Variants in NCAM2 observed in about 807,000 individuals in gnomAD.
NCAM2 encodes N-CAM-2.
Under a neutral mutation model 98.1 loss-of-function variants are expected in NCAM2, and 30 were observed. The observed-to-expected ratio is 0.31, with a 90% CI of 0.23 to 0.41. The LOEUF is 0.41. Ranked by LOEUF, NCAM2 falls within the 10% of genes least tolerant of loss-of-function variation. The pLI, the probability that NCAM2 is intolerant of heterozygous loss-of-function variation, is 1.00. For missense variants in NCAM2, 867 were observed against 1,005.8 expected, an observed-to-expected ratio of 0.86 and a Z score of 1.87; for synonymous variants, 368 against 342.4, an observed-to-expected ratio of 1.07 and a Z score of -0.83.
intron 9 of NCAM2, among the ~76,000 whole-genome samples, chr21:21,375,464 A>T (rs1406577972): frequency 6.6e-6 from 1 of 151,746 alleles, no homozygotes; most frequent in African/African-American, 2.4e-5. Context: ...TTTCCATCAC[A>T]CTTTCTAAAA....
intron 12 of NCAM2, among the ~76,000 whole-genome samples, chr21:21,433,815 A>G (rs1195282344): frequency 6.7e-6 from 1 of 148,788 alleles, no homozygotes; most frequent in Non-Finnish European, 1.5e-5. Context: ...AGAGAGAAAA[A>G]GGAGGGTGGT....
chr21:21,509,094 G>C, intron 16 of NCAM2, 39 bp downstream of exon 16: 1 of 1,605,114 alleles, frequency 6.2e-7, no homozygotes, highest in Non-Finnish European at 8.5e-7. Flanking sequence ...TATTAAACAA[G>C]CGCCACAGTC....
chr21:21,280,377 T>C (rs892895650), intron 1 of NCAM2, among the ~76,000 whole-genome samples: 4 of 152,176 alleles, frequency 2.6e-5, no homozygotes, highest in African/African-American at 9.7e-5. Flanking sequence ...GTGCTGTATT[T>C]AGTCTGATGG....
At chr21:21,479,059 C>CT (rs561857794) in intron 15 of NCAM2, among the ~76,000 whole-genome samples, 13 of 152,060 alleles carry the variant, frequency 8.5e-5, no homozygotes, top group Non-Finnish European at 1.8e-4. Context: ...CCAGAGCCTC[C>CT]TCCAAAGGAA....
At chr21:21,280,513 A>G in intron 1 of NCAM2, 65 bp from the exon 2 acceptor site, 1 of 1,098,026 alleles carries the variant, frequency 9.1e-7, no homozygotes, top group Non-Finnish European at 1.3e-6. Context: ...TTTAGACATC[A>G]TGCATTAAAA....
At chr21:21,413,380 T>C (rs957871927) in intron 10 of NCAM2, among the ~76,000 whole-genome samples, 2 of 152,186 alleles carry the variant, frequency 1.3e-5, no homozygotes, top group Non-Finnish European at 2.9e-5. Flanking sequence ...CTAGCAAGCT[T>C]CTTGATTAAT....
chr21:21,029,583 T>A (rs1273419634), intron 1 of NCAM2, among the ~76,000 whole-genome samples: 1 of 152,198 alleles, frequency 6.6e-6, no homozygotes, highest in Non-Finnish European at 1.5e-5. Flanking sequence ...GTTATCTTCA[T>A]AAACTTAACC....
intron 1 of NCAM2, among the ~76,000 whole-genome samples, chr21:21,073,596 A>G (rs910678115): frequency 2.6e-5 from 4 of 152,200 alleles, no homozygotes; most frequent in Admixed American, 6.5e-5. Flanking sequence ...GCATTTCTCT[A>G]AGACCCTGCA....
intron 8 of NCAM2, among the ~76,000 whole-genome samples, chr21:21,358,606 A>G (rs1222934326): frequency 1.3e-5 from 2 of 152,094 alleles, no homozygotes; most frequent in South Asian, 2.1e-4. Context: ...AAATTAGTTC[A>G]TATGACTCAT....
intron 1 of NCAM2, among the ~76,000 whole-genome samples, chr21:21,115,278 C>A (rs1303062275): frequency 6.6e-6 from 1 of 152,166 alleles, no homozygotes; most frequent in African/African-American, 2.4e-5. Context: ...TCCAGCCTCT[C>A]CTTGTGGCAT....
chr21:21,002,496 G>C (rs2064037596), intron 1 of NCAM2, among the ~76,000 whole-genome samples: 1 of 152,150 alleles, frequency 6.6e-6, no homozygotes, highest in African/African-American at 2.4e-5. Context: ...TAACCAAGCT[G>C]AACAGTGTAA....
At chr21:21,279,886 C>G (rs2072867389) in intron 1 of NCAM2, among the ~76,000 whole-genome samples, 1 of 152,208 alleles carries the variant, frequency 6.6e-6, no homozygotes, top group Non-Finnish European at 1.5e-5. Context: ...TGGTCATGCT[C>G]TCTTTTCTAC....
chr21:21,489,813 TAACTA>T (rs954432797), intron 15 of NCAM2, among the ~76,000 whole-genome samples: 2 of 152,066 alleles, frequency 1.3e-5, no homozygotes, highest in Non-Finnish European at 2.9e-5. Flanking sequence ...TTTTGGGACT[TAACTA>T]AAGAAAAAAA....
intron 1 of NCAM2, among the ~76,000 whole-genome samples, chr21:21,170,828 T>A (rs955021927): frequency 6.9e-5 from 9 of 130,042 alleles, no homozygotes; most frequent in Admixed American, 3.8e-4. Context: ...CATAGGGTGT[T>A]CCTAGAGGGG....
chr21:21,282,642 A>G (rs1234673809), intron 2 of NCAM2, among the ~76,000 whole-genome samples: 1 of 151,792 alleles, frequency 6.6e-6, no homozygotes, highest in Non-Finnish European at 1.5e-5. Flanking sequence ...CTAAAACTCA[A>G]TAAAATAAAT....
chr21:21,434,051 T>G (rs578189787), intron 12 of NCAM2, among the ~76,000 whole-genome samples: 5 of 152,334 alleles, frequency 3.3e-5, no homozygotes, highest in Non-Finnish European at 5.9e-5. Flanking sequence ...GAATTTATAG[T>G]GCCCTTGATC....
intron 15 of NCAM2, among the ~76,000 whole-genome samples, chr21:21,487,616 C>A (rs1986499391): frequency 6.6e-6 from 1 of 152,062 alleles, no homozygotes; most frequent in African/African-American, 2.4e-5. Flanking sequence ...GCATGATTGC[C>A]ATTATCTGCA....
chr21:21,523,004 A>T (rs1342320114), intron 16 of NCAM2, among the ~76,000 whole-genome samples: 1 of 151,756 alleles, frequency 6.6e-6, no homozygotes, highest in African/African-American at 2.4e-5. Context: ...TTTAAATTGG[A>T]CTTGTTTATG....
At chr21:21,370,932 TTTTTA>T (rs1169258254) in intron 8 of NCAM2, among the ~76,000 whole-genome samples, 1 of 151,878 alleles carries the variant, frequency 6.6e-6, no homozygotes, top group Non-Finnish European at 1.5e-5. Context: ...TTGAATAAAT[TTTTTA>T]TTTTATTATC....
Sources: gnomAD v4.1 joint callset for allele counts (sites outside exome capture counted in the v4.1 genomes callset) on GRCh38, gnomAD v4.1.1 for gene constraint, MANE v1.5 for transcripts, NCBI Gene and HGNC (gene_info 2026-07-23, HGNC 2026-07-21) for gene names.